MDGA2: variants seen among roughly 807,000 people sequenced by gnomAD.
MDGA2 encodes the protein MAM domain-containing glycosylphosphatidylinositol anchor protein 2.
MDGA2 carries 40 observed loss-of-function variants against 117.8 expected under a neutral mutation model. The observed-to-expected ratio is 0.34, with a 90% confidence interval of 0.26 to 0.44. The LOEUF (loss-of-function observed/expected upper bound fraction) is 0.44, where lower values mean the gene tolerates loss of function less well. Among genes scored for constraint, MDGA2 ranks in the 20% least tolerant of loss-of-function variants. The probability of loss-of-function intolerance (pLI) is 1.00; values close to 1 mark genes in which losing one functional copy is unlikely to be tolerated. For missense variants in MDGA2, 1,123 were observed against 1,250.6 expected, an observed-to-expected ratio of 0.90 and a Z score of 1.54; for synonymous variants, 452 against 439.0, an observed-to-expected ratio of 1.03 and a Z score of -0.37.
intron 8 of MDGA2, among the ~76,000 whole-genome samples, chr14:47,029,303 G>A (rs180862533): frequency 2.6e-5 from 4 of 152,102 alleles, no homozygotes; most frequent in African/African-American, 9.6e-5. Context: ...GTCTTGCTTG[G>A]GAAACTGAAA....
intron 4 of MDGA2, among the ~76,000 whole-genome samples, chr14:47,138,931 A>AT (rs939855947): frequency 5.1e-4 from 77 of 152,064 alleles, no homozygotes; most frequent in African/African-American, 1.8e-3. Context: ...ACACAGACCA[A>AT]TTTTTTTCTG....
At chr14:47,236,506 T>C (rs1886870137) in intron 2 of MDGA2, among the ~76,000 whole-genome samples, 2 of 152,096 alleles carry the variant, frequency 1.3e-5, no homozygotes, top group Non-Finnish European at 2.9e-5. Flanking sequence ...CAGGATGCTT[T>C]CTTCGAATGA....
chr14:47,174,440 C>T (rs1336293752), intron 3 of MDGA2, among the ~76,000 whole-genome samples: 1 of 152,104 alleles, frequency 6.6e-6, no homozygotes. Flanking sequence ...GAAATTATAA[C>T]AAACTGTCTC....
intron 1 of MDGA2, among the ~76,000 whole-genome samples, chr14:47,561,141 G>GTTTGTTTT (rs1555332241): frequency 1.2e-4 from 6 of 52,150 alleles, no homozygotes; most frequent in East Asian, 4.1e-3. Context: ...CTCTATCTTT[G>GTTTGTTTT]TTTTTTTTTT....
intron 5 of MDGA2, among the ~76,000 whole-genome samples, chr14:47,107,275 A>G (rs902866119): frequency 4.0e-5 from 6 of 151,888 alleles, no homozygotes; most frequent in Non-Finnish European, 7.4e-5. Context: ...CAGTTCCCCC[A>G]TTTTACCTGT....
In MDGA2 at chr14:47,184,379, CA is replaced by C. The variant is rs990464399; in HGVS notation, c.595+33641del. 4.6e-5 allele frequency among the ~76,000 whole-genome samples: 7 copies of C among 151,944 alleles called. 1 individual carries two copies. Among genetic ancestry groups the C allele is most frequent in the Admixed American group, 6.6e-5 (1 of 15,222 alleles). On this transcript the variant is annotated intron_variant, in intron 3 of 16. Coordinates refer to ENST00000399232, the MANE Select transcript of MDGA2 (RefSeq NM_001113498.3). ...AGAACTCTATTGGGATATTTTAGAA[CA>C]TTTTTTTGTCCATGTAGTTAACCGG...
Position 47,675,025 on chromosome 14 carries a change from G to A in MDGA2, c.-229C>T. The A allele has an allele frequency of 4.4e-6, 1 of 228,378 alleles. No individual in the cohort carries two copies. The highest frequency in any genetic ancestry group is 8.4e-6 in the Non-Finnish European group (1 of 119,722). 14.1% of individuals were successfully genotyped at this position (228,378 alleles called of 1,614,324 possible). Reference sequence around the variant, plus strand: ...CGGCGGCGCGCTGGGCCGGCGGCGGGCGCGGGCAGGGGGCCGGGGGTGCCG... The same window carrying A: ...CGGCGGCGCGCTGGGCCGGCGGCGGACGCGGGCAGGGGGCCGGGGGTGCCG... On this transcript the variant is annotated 5_prime_UTR_variant, in exon 1 of 17. Coordinates refer to ENST00000399232, the MANE Select transcript of MDGA2 (RefSeq NM_001113498.3).
At chr14:47,157,285 C>G (rs1269900989) in intron 3 of MDGA2, among the ~76,000 whole-genome samples, 1 of 152,118 alleles carries the variant, frequency 6.6e-6, no homozygotes, top group African/African-American at 2.4e-5. Flanking sequence ...AAGAATGTGG[C>G]TATCTATAAA....
At chr14:46,920,979 A>G (rs1166736629) in intron 9 of MDGA2, among the ~76,000 whole-genome samples, 1 of 152,202 alleles carries the variant, frequency 6.6e-6, no homozygotes, top group African/African-American at 2.4e-5. Context: ...CCACATACAA[A>G]CCATCTCAGT....
intron 7 of MDGA2, among the ~76,000 whole-genome samples, chr14:47,045,826 G>A (rs1385720540): frequency 5.3e-5 from 8 of 151,962 alleles, no homozygotes; most frequent in Admixed American, 2.0e-4. Context: ...TTAGCCGGGC[G>A]TGGTGGCGGG....
chr14:47,145,908 T>G lies in MDGA2; in HGVS notation c.596-1634A>C, dbSNP rs1439554244. On this transcript the variant is annotated intron_variant, in intron 3 of 16. Transcript: ENST00000399232. ...TGTTTTCTTGTTTTTATTTCACCAA[T>G]TCATAATACATTCAACTCTTATTAT... 2.0e-5 allele frequency among the ~76,000 whole-genome samples: 3 copies of G among 152,256 alleles called. No individual in the cohort carries two copies. In the South Asian group the frequency reaches 6.2e-4, roughly 32 times the overall value.
intron 9 of MDGA2, among the ~76,000 whole-genome samples, chr14:46,956,935 T>G (rs1885584715): frequency 6.6e-6 from 1 of 152,140 alleles, no homozygotes; most frequent in African/African-American, 2.4e-5. Flanking sequence ...TCTCTCTCTT[T>G]GCTGCCACCA....
intron 7 of MDGA2, among the ~76,000 whole-genome samples, chr14:47,057,289 G>A (rs1002525582): frequency 1.3e-5 from 2 of 151,974 alleles, no homozygotes; most frequent in African/African-American, 2.4e-5. Flanking sequence ...ACAGAAGTCC[G>A]ATCAAGCTTT....
intron 7 of MDGA2, among the ~76,000 whole-genome samples, chr14:47,037,820 T>G (rs2138661049): frequency 6.6e-6 from 1 of 152,306 alleles, no homozygotes. Flanking sequence ...ATGTATAACT[T>G]TAAAGACTAA....
chr14:47,071,232 GTTAAAGAGGTTAATTTAATCCCT>G, intron 6 of MDGA2, among the ~76,000 whole-genome samples: 1 of 152,178 alleles, frequency 6.6e-6, no homozygotes, highest in East Asian at 1.9e-4. Flanking sequence ...GTATTTGAGA[GTTAAAGAGGTTAATTTAATCCCT>G]TTATAAAGCT....
At position 47,560,283 on chromosome 14, in the gene MDGA2, G is replaced by A. The variant is rs537873418; in HGVS notation, c.280+114234C>T. Among the ~76,000 whole-genome samples the A allele has an allele frequency of 8.8e-4, 133 of 151,904 alleles. 1 individual carries two copies. The highest frequency in any genetic ancestry group is 2.2e-4 in the Non-Finnish European group (15 of 67,954). ...AAACGGGGTTTCACCGTGTTAGCCA[G>A]GATGGTCTCGACCTCCTGACCTCGT... On this transcript the variant is annotated intron_variant, in intron 1 of 16. Coordinates refer to ENST00000399232, the MANE Select transcript of MDGA2 (RefSeq NM_001113498.3).
chr14:47,003,994 CACTT>C (rs1410228789), intron 8 of MDGA2, among the ~76,000 whole-genome samples: 1 of 151,824 alleles, frequency 6.6e-6, no homozygotes, highest in Non-Finnish European at 1.5e-5. Context: ...TGTTGAAAGA[CACTT>C]AGAAGAATGA....
At chr14:47,456,720 T>G (rs1428479140) in intron 1 of MDGA2, among the ~76,000 whole-genome samples, 4 of 152,108 alleles carry the variant, frequency 2.6e-5, no homozygotes, top group African/African-American at 9.7e-5. Context: ...TGCACACGAT[T>G]AAATGGAATA....
At chr14:47,082,427 G>GA (rs980737211) in intron 6 of MDGA2, among the ~76,000 whole-genome samples, 6 of 151,776 alleles carry the variant, frequency 4.0e-5, no homozygotes, top group African/African-American at 1.5e-4. Context: ...AAAATCCAAG[G>GA]AAAAATCTGC....
Sources: gnomAD v4.1 joint callset for allele counts (sites outside exome capture counted in the v4.1 genomes callset) on GRCh38, gnomAD v4.1.1 for gene constraint, MANE v1.5 for transcripts, NCBI Gene and HGNC (gene_info 2026-07-23, HGNC 2026-07-21) for gene names.